The following KHDRBS2 variants were observed in gnomAD, a reference collection of about 807,000 sequenced individuals.
KHDRBS2 encodes the protein KH domain-containing, RNA-binding, signal transduction-associated protein 2.
In KHDRBS2, 26 loss-of-function variants were observed where a neutral mutation model predicts 44.3. The ratio of observed to expected loss-of-function variants is 0.59; its 90% CI spans 0.43 to 0.81. The LOEUF (loss-of-function observed/expected upper bound fraction) is 0.81. Ranked by LOEUF, KHDRBS2 falls within the 40% of genes least tolerant of loss-of-function variation. KHDRBS2 has a pLI of 0.00. For missense variants in KHDRBS2, 476 were observed against 433.1 expected, an observed-to-expected ratio of 1.10 and a Z score of -0.88; for synonymous variants, 194 against 151.1, an observed-to-expected ratio of 1.28 and a Z score of -2.08.
chr6:62,068,109 A>G (rs1794172758), intron 2 of KHDRBS2, among the ~76,000 whole-genome samples: 1 of 151,500 alleles, frequency 6.6e-6, no homozygotes, highest in Non-Finnish European at 1.5e-5. Flanking sequence ...TTGAAGAAGC[A>G]TCCAATTGTT....
At chr6:62,092,879 T>A (rs1002281057) in intron 2 of KHDRBS2, among the ~76,000 whole-genome samples, 1 of 152,044 alleles carries the variant, frequency 6.6e-6, no homozygotes, top group African/African-American at 2.4e-5. Flanking sequence ...CATTAGCCCC[T>A]CCTCTAGCTT....
chr6:62,274,330 G>C (rs1840567386), intron 1 of KHDRBS2, among the ~76,000 whole-genome samples: 1 of 152,144 alleles, frequency 6.6e-6, no homozygotes, highest in Non-Finnish European at 1.5e-5. Context: ...CTCCAGCAAT[G>C]CAGCTACATC....
At chr6:61,666,161 T>G in the KHDRBS2 span, among the ~76,000 whole-genome samples, 1 of 151,366 alleles carries the variant, frequency 6.6e-6, no homozygotes, top group Non-Finnish European at 1.5e-5. Context: ...TGCAACAAAA[T>G]AAATCCTACT....
At chr6:61,547,845 A>G in the KHDRBS2 span, among the ~76,000 whole-genome samples, 2 of 152,170 alleles carry the variant, frequency 1.3e-5, no homozygotes, top group Non-Finnish European at 2.9e-5. Flanking sequence ...TTCCCCAAAA[A>G]GTCCAATTTC....
intron 7 of KHDRBS2, among the ~76,000 whole-genome samples, chr6:61,709,008 T>C (rs1770047550): frequency 6.6e-6 from 1 of 151,690 alleles, no homozygotes; most frequent in Non-Finnish European, 1.5e-5. Context: ...CAACTCCCAG[T>C]TTCCTGATCT....
At chr6:62,083,722 T>C (rs1030363557) in intron 2 of KHDRBS2, among the ~76,000 whole-genome samples, 2 of 152,140 alleles carry the variant, frequency 1.3e-5, no homozygotes, top group Non-Finnish European at 2.9e-5. Flanking sequence ...ATGAGCTAAC[T>C]CCTTTGCAAG....
the KHDRBS2 span, among the ~76,000 whole-genome samples, chr6:61,616,209 C>G: frequency 0.013 from 2,032 of 152,134 alleles, 46 homozygotes; most frequent in African/African-American, 0.047. Context: ...ATGTTGGTGA[C>G]TCAAAAGTGT....
the KHDRBS2 span, among the ~76,000 whole-genome samples, chr6:61,569,295 T>C: frequency 2.0e-5 from 3 of 152,052 alleles, no homozygotes; most frequent in Non-Finnish European, 2.9e-5. Context: ...GCTGATGGTG[T>C]TTTTCTACCC....
chr6:62,048,843 A>G (rs1788331898), intron 2 of KHDRBS2, among the ~76,000 whole-genome samples: 1 of 151,976 alleles, frequency 6.6e-6, no homozygotes, highest in Non-Finnish European at 1.5e-5. Flanking sequence ...AAAAATACAA[A>G]GAACATAGAA....
Position 62,057,914 on chromosome 6 carries a change from A to G in KHDRBS2, c.220-9920T>C, listed in dbSNP as rs113869996. The stretch of plus-strand genomic sequence containing the variant: ...ATTGGTGGCAAAACGAGTGATTATC[A>G]TAAGTGTCAGGCCATTTTAAGAAAA... On this transcript the variant is annotated intron_variant, in intron 2 of 8. Transcript: ENST00000281156. Among the ~76,000 whole-genome samples the G allele has an allele frequency of 5.3e-5, 8 of 152,084 alleles. 1 individual carries two copies. The highest frequency in any genetic ancestry group is 2.6e-4 in the Admixed American group (4 of 15,230).
At chr6:62,075,985 T>C (rs1454117109) in intron 2 of KHDRBS2, among the ~76,000 whole-genome samples, 2 of 151,994 alleles carry the variant, frequency 1.3e-5, no homozygotes, top group African/African-American at 2.4e-5. Context: ...GTTATGCTTT[T>C]ACTCTAATTT....
intron 1 of KHDRBS2, among the ~76,000 whole-genome samples, chr6:62,177,549 G>C (rs1585076760): frequency 3.3e-5 from 1 of 30,560 alleles, no homozygotes; most frequent in South Asian, 7.5e-4. Flanking sequence ...AGATGTGACT[G>C]TGTCTTCTGT....
chr6:61,774,116 T>C (rs1781510037), intron 6 of KHDRBS2, among the ~76,000 whole-genome samples: 1 of 152,198 alleles, frequency 6.6e-6, no homozygotes, highest in Non-Finnish European at 1.5e-5. Flanking sequence ...AGGATTGACT[T>C]GGCGATGCAG....
At chr6:62,271,354 C>T (rs1417429613) in intron 1 of KHDRBS2, among the ~76,000 whole-genome samples, 1 of 152,048 alleles carries the variant, frequency 6.6e-6, no homozygotes, top group Non-Finnish European at 1.5e-5. Context: ...GTTAGCAAAC[C>T]TACTGTGCTG....
chr6:61,661,055 C>G, the KHDRBS2 span, among the ~76,000 whole-genome samples: 2 of 151,768 alleles, frequency 1.3e-5, no homozygotes, highest in Non-Finnish European at 2.9e-5. Context: ...AAATTGTGTG[C>G]ATATGAAAGT....
At chr6:61,581,046 TAAAAAG>T in the KHDRBS2 span, among the ~76,000 whole-genome samples, 2 of 152,176 alleles carry the variant, frequency 1.3e-5, no homozygotes, top group African/African-American at 2.4e-5. Flanking sequence ...GGTTGGGTCT[TAAAAAG>T]AGGGAGAAGG....
intron 4 of KHDRBS2, among the ~76,000 whole-genome samples, chr6:61,932,334 AT>A (rs952116165): frequency 1.3e-5 from 2 of 152,232 alleles, no homozygotes; most frequent in Non-Finnish European, 2.9e-5. Flanking sequence ...ATACATCATC[AT>A]TATAGTCACC....
chr6:61,969,730 T>A (rs1184137710), intron 4 of KHDRBS2, among the ~76,000 whole-genome samples: 6 of 151,958 alleles, frequency 3.9e-5, no homozygotes, highest in Admixed American at 3.9e-4. Flanking sequence ...CAGATGGCAT[T>A]TTCAATCCCT....
At chr6:61,562,481 T>G in the KHDRBS2 span, among the ~76,000 whole-genome samples, 1 of 152,192 alleles carries the variant, frequency 6.6e-6, no homozygotes, top group African/African-American at 2.4e-5. Flanking sequence ...AGGGAAGAGG[T>G]TTTCCTTTCC....
Sources: allele counts gnomAD v4.1 joint callset (sites outside exome capture counted in the v4.1 genomes callset), GRCh38; gene constraint gnomAD v4.1.1; transcripts MANE v1.5; gene names NCBI Gene and HGNC (gene_info 2026-07-23, HGNC 2026-07-21).